Variants in PALLD observed in about 807,000 individuals in gnomAD.
The protein encoded by PALLD is palladin, cytoskeletal associated protein, also known as palladin.
In PALLD, 61 loss-of-function variants were observed where a neutral mutation model predicts 123.5. The observed-to-expected ratio is 0.49, with a 90% CI of 0.40 to 0.61. The LOEUF (loss-of-function observed/expected upper bound fraction) is 0.61. Ranked by LOEUF, PALLD falls within the 20% of genes least tolerant of loss-of-function variation. The pLI is 0.00. For synonymous variants in PALLD, 465 were observed against 496.4 expected, an observed-to-expected ratio of 0.94 and a Z score of 0.84; for missense variants, 1,273 against 1,377.0, an observed-to-expected ratio of 0.92 and a Z score of 1.20.
At chr4:168,814,831 C>T (rs1307288008) in intron 10 of PALLD, among the ~76,000 whole-genome samples, 3 of 152,170 alleles carry the variant, frequency 2.0e-5, no homozygotes, top group Non-Finnish European at 2.9e-5. Flanking sequence ...AGTGCAGTGA[C>T]GCGACCTCGG....
At chr4:168,723,420 A>T (rs1038910825) in intron 10 of PALLD, among the ~76,000 whole-genome samples, 1 of 152,202 alleles carries the variant, frequency 6.6e-6, no homozygotes, top group African/African-American at 2.4e-5. Flanking sequence ...ATCATCAGGG[A>T]CAGCCAGACT....
At chr4:168,872,985 A>T (rs1260768988) in intron 10 of PALLD, among the ~76,000 whole-genome samples, 1 of 152,212 alleles carries the variant, frequency 6.6e-6, no homozygotes, top group Non-Finnish European at 1.5e-5. Context: ...TCTCATGCAT[A>T]TGATACTGAG....
chr4:168,861,399 G>A (rs946337106), intron 10 of PALLD, among the ~76,000 whole-genome samples: 9 of 152,160 alleles, frequency 5.9e-5, no homozygotes, highest in African/African-American at 2.2e-4. Context: ...TTTGGTTGAT[G>A]CTGGAGAGGG....
rs148966798 is a variant in PALLD at position 168,869,487 on chromosome 4, G to C, written c.1965-21435G>C. Among the ~76,000 whole-genome samples the C allele has an allele frequency of 1.7e-4, 26 of 152,226 alleles. No homozygotes were observed. The East Asian group carries it at 5.0e-3, about 30-fold the overall frequency. On this transcript the variant is annotated intron_variant, in intron 10 of 21. Coordinates refer to ENST00000505667, the MANE Select transcript of PALLD (RefSeq NM_001166108.2). This position sits in a 1 kb window ranked among gnomAD's most constrained non-coding sequence, Gnocchi z 4.5. ...GGATGAAGACAGTGGATGGAGAGAA[G>C]TTGGTGGGGGTGGCCCTCCAAAAGA...
At chr4:168,693,311 A>G (rs920138212) in intron 8 of PALLD, among the ~76,000 whole-genome samples, 15 of 151,556 alleles carry the variant, frequency 9.9e-5, no homozygotes, top group Non-Finnish European at 1.0e-4. Flanking sequence ...CCCTATATAC[A>G]CTCCTTCTGT....
At chr4:168,859,686 G>A (rs574549887) in intron 10 of PALLD, among the ~76,000 whole-genome samples, 5 of 152,208 alleles carry the variant, frequency 3.3e-5, no homozygotes, top group African/African-American at 4.8e-5. Context: ...AGCATCTGGC[G>A]AACCTCTAGT....
chr4:168,531,515 C>T (rs1394147141), intron 2 of PALLD, among the ~76,000 whole-genome samples: 1 of 152,174 alleles, frequency 6.6e-6, no homozygotes, highest in Admixed American at 6.5e-5. Flanking sequence ...GTGAATGACT[C>T]ACACTGGACA....
chr4:168,707,692 G>T (rs1001561228), intron 8 of PALLD, among the ~76,000 whole-genome samples: 1 of 152,124 alleles, frequency 6.6e-6, no homozygotes, highest in Non-Finnish European at 1.5e-5. Context: ...TGTTGCAGAG[G>T]CACATTAAAA....
chr4:168,549,781 A>G (rs941047850), intron 2 of PALLD, among the ~76,000 whole-genome samples: 31 of 151,972 alleles, frequency 2.0e-4, no homozygotes, highest in African/African-American at 7.2e-4. Context: ...AGAACCACAA[A>G]AAAAAAATGA....
intron 10 of PALLD, among the ~76,000 whole-genome samples, chr4:168,767,573 GT>G (rs1258899194): frequency 7.4e-6 from 1 of 135,144 alleles, no homozygotes; most frequent in Non-Finnish European, 1.5e-5. Flanking sequence ...CCGAGACAGA[GT>G]TTCGCTCTTG....
At chr4:168,708,989 T>C in intron 8 of PALLD, 39 bp from the exon 9 acceptor site, 1 of 1,607,574 alleles carries the variant, frequency 6.2e-7, no homozygotes, top group Non-Finnish European at 8.5e-7. Context: ...GACTTCATGG[T>C]TCAACTCTGA....
At chr4:168,805,305 C>T (rs1356910441) in intron 10 of PALLD, among the ~76,000 whole-genome samples, 1 of 152,068 alleles carries the variant, frequency 6.6e-6, no homozygotes, top group Non-Finnish European at 1.5e-5. Flanking sequence ...AATACGGTTT[C>T]TTAGTAACCA....
intron 2 of PALLD, among the ~76,000 whole-genome samples, chr4:168,561,198 A>G (rs1300137946): frequency 6.6e-6 from 1 of 151,972 alleles, no homozygotes; most frequent in Non-Finnish European, 1.5e-5. Context: ...TCCTTTCCCA[A>G]AGTTGCTATA....
intron 10 of PALLD, among the ~76,000 whole-genome samples, chr4:168,722,810 G>C (rs1786153804): frequency 1.3e-5 from 2 of 152,200 alleles, no homozygotes; most frequent in African/African-American, 4.8e-5. Flanking sequence ...TTAATTAGAT[G>C]ATCCTTGAGA....
At chr4:168,746,798 G>C (rs188248409) in intron 10 of PALLD, among the ~76,000 whole-genome samples, 63 of 152,304 alleles carry the variant, frequency 4.1e-4, no homozygotes, top group Middle Eastern at 6.8e-3. Context: ...TAAAGATCCT[G>C]CTTAGAAGAG....
intron 9 of PALLD, 36 bp from the exon 10 acceptor site, chr4:168,711,545 T>A (rs1327038037): frequency 1.4e-6 from 2 of 1,416,332 alleles, no homozygotes; most frequent in African/African-American, 2.8e-5. Flanking sequence ...ACTAGTGGCA[T>A]CTTCTTATGT....
intron 8 of PALLD, among the ~76,000 whole-genome samples, chr4:168,697,674 A>G (rs993209657): frequency 6.6e-6 from 1 of 152,204 alleles, no homozygotes; most frequent in African/African-American, 2.4e-5. Context: ...CCTGACATCT[A>G]GAAGTCGGCC....
chr4:168,680,528 A>G (rs1781454352), intron 3 of PALLD, among the ~76,000 whole-genome samples: 2 of 150,946 alleles, frequency 1.3e-5, no homozygotes, highest in Admixed American at 6.6e-5. Context: ...CTGGAACAAT[A>G]CACATCAGAC....
At chr4:168,768,333 C>T (rs928728504) in intron 10 of PALLD, among the ~76,000 whole-genome samples, 6 of 152,164 alleles carry the variant, frequency 3.9e-5, no homozygotes, top group Admixed American at 1.3e-4. Context: ...CTAAAACATC[C>T]GCTCTACCTG....
Sources: gnomAD v4.1 joint callset for allele counts (sites outside exome capture counted in the v4.1 genomes callset) on GRCh38, gnomAD v4.1.1 for gene constraint, Gnocchi (gnomAD v3.1) non-coding constraint, MANE v1.5 for transcripts, NCBI Gene and HGNC (gene_info 2026-07-23, HGNC 2026-07-21) for gene names.